CLEC6A: variants seen among roughly 807,000 people sequenced by gnomAD.
CLEC6A encodes C-type lectin domain family 6 member A.
In CLEC6A, 22 loss-of-function variants were observed where a neutral mutation model predicts 25.7. That is an observed-to-expected ratio of 0.85 (90% confidence interval 0.61 to 1.22). CLEC6A has a LOEUF of 1.22. CLEC6A is among the 50% of genes most tolerant of loss of function. The pLI is 0.00. For missense variants in CLEC6A, 240 were observed against 236.8 expected, an observed-to-expected ratio of 1.01 and a Z score of -0.09; for synonymous variants, 92 against 76.7, an observed-to-expected ratio of 1.20 and a Z score of -1.04.
intron 3 of CLEC6A, among the ~76,000 whole-genome samples, chr12:8,462,077 T>C (rs942571597): frequency 2.0e-5 from 3 of 152,178 alleles, no homozygotes; most frequent in African/African-American, 7.2e-5. Flanking sequence ...AACCCCGTGC[T>C]CTCTGAAACA....
chr12:8,473,022 G>T (rs1366977373), intron 4 of CLEC6A, among the ~76,000 whole-genome samples: 3 of 296 alleles, frequency 0.01, no homozygotes, highest in Non-Finnish European at 0.014. Flanking sequence ...TTGAGACGGA[G>T]TTTCGCTCTG....
chr12:8,460,901 C>A, intron 3 of CLEC6A: 1 of 864,034 alleles, frequency 1.2e-6, no homozygotes, highest in African/African-American at 1.6e-5. Context: ...CCAAAGTTTG[C>A]TCCAAACCTT....
intron 1 of CLEC6A, among the ~76,000 whole-genome samples, chr12:8,456,621 ATT>A (rs34877979): frequency 0.027 from 3,730 of 139,090 alleles, 59 homozygotes; most frequent in African/African-American, 0.048. Context: ...TTTTAAAAAA[ATT>A]TTTATTAAAA....
intron 4 of CLEC6A, among the ~76,000 whole-genome samples, chr12:8,473,637 T>C (rs1422895155): frequency 6.6e-6 from 1 of 152,194 alleles, no homozygotes; most frequent in Non-Finnish European, 1.5e-5. Context: ...TTTATGTTTT[T>C]TGAGAAATCT....
chr12:8,463,796 G>T (rs4242890), intron 3 of CLEC6A, among the ~76,000 whole-genome samples: 117,094 of 151,864 alleles, frequency 0.77, 45,565 homozygotes, highest in East Asian at 0.99. Context: ...GCAAAGTAAC[G>T]TGATCAGCTC....
intron 3 of CLEC6A, among the ~76,000 whole-genome samples, chr12:8,465,256 T>TG (rs1939814530): frequency 1.3e-5 from 2 of 151,396 alleles, no homozygotes; most frequent in East Asian, 1.9e-4. Flanking sequence ...TTTTTTTTTT[T>TG]GCAAAAAAGA....
Position 8,477,579 on chromosome 12 carries a change from C to A in CLEC6A, c.*115C>A. On this transcript the variant is annotated 3_prime_UTR_variant, in exon 6 of 6. Coordinates refer to ENST00000382073, the MANE Select transcript of CLEC6A (RefSeq NM_001007033.2). ...TTTCTTCCTGAATTTACACATAATC[C>A]TTATGTTATAGAGGTTCACAGAAAT... The A allele has an allele frequency of 7.8e-6, 6 of 766,258 alleles. No homozygotes were observed. Among genetic ancestry groups the A allele is most frequent in the African/African-American group, 1.8e-5 (1 of 55,874 alleles). 47.5% of individuals were successfully genotyped at this position (766,258 alleles called of 1,614,324 possible). A position where few individuals can be genotyped will look rare whatever the true frequency, so the allele number is the denominator to read the frequency against.
intron 3 of CLEC6A, 44 bp from the exon 4 acceptor site, chr12:8,465,440 C>A: frequency 6.2e-7 from 1 of 1,600,114 alleles, no homozygotes; most frequent in African/African-American, 1.3e-5. Flanking sequence ...TCTCATTTAT[C>A]TTATCTTGCA....
chr12:8,460,849 G>A lies in CLEC6A; in HGVS notation c.223+1151G>A, dbSNP rs75561605. The A allele has an allele frequency of 7.4e-3, 6,865 of 933,132 alleles. 309 individuals are homozygous for A. The African/African-American group carries it at 0.096, about 13-fold the overall frequency. 57.8% of individuals were successfully genotyped at this position (933,132 alleles called of 1,614,324 possible). A position where few individuals can be genotyped will look rare whatever the true frequency, so the allele number is the denominator to read the frequency against. On this transcript the variant is annotated intron_variant, in intron 3 of 5. Coordinates refer to ENST00000382073, the MANE Select transcript of CLEC6A (RefSeq NM_001007033.2). Reference sequence around the variant, plus strand: ...TGGCCAAAAACGCCCAGTTCCTAAGGGTACAACTTACCGCAAGCCTGTCTA... The same window carrying A: ...TGGCCAAAAACGCCCAGTTCCTAAGAGTACAACTTACCGCAAGCCTGTCTA...
rs773937289 is a variant in CLEC6A, at chr12:8,455,982, C to T, written c.-130C>T. On this transcript the variant is annotated 5_prime_UTR_variant, in exon 1 of 6. Coordinates refer to ENST00000382073, the MANE Select transcript of CLEC6A (RefSeq NM_001007033.2). ...CACTTAATGTTGGAAGTCTCTTAGT[C>T]CTATAAGAGTGTGTAGCAGTTTGTC... 31 of 695,214 alleles carry T rather than the reference C, an allele frequency of 4.5e-5. No homozygotes were observed. Among genetic ancestry groups the T allele is most frequent in the Non-Finnish European group, 7.4e-5 (30 of 403,714 alleles). 43.1% of individuals were successfully genotyped at this position (695,214 alleles called of 1,614,324 possible).
Position 8,456,074 on chromosome 12 carries a change from A to G in CLEC6A, c.-38A>G, listed in dbSNP as rs760765331. On this transcript the variant is annotated 5_prime_UTR_variant, in exon 1 of 6. Transcript: ENST00000382073. ...AACATCTTTAGGGAGAGAGGTACAA[A>G]AGGTTCCTGGACCTTCTCAACACAG... The G allele has an allele frequency of 9.9e-6, 16 of 1,611,314 alleles. No individual in the cohort carries two copies. In the African/African-American group the frequency reaches 1.3e-4, roughly 13 times the overall value.
At chr12:8,468,734 G>A (rs1246812706) in intron 4 of CLEC6A, among the ~76,000 whole-genome samples, 3 of 152,150 alleles carry the variant, frequency 2.0e-5, no homozygotes, top group Non-Finnish European at 4.4e-5. Context: ...ACAAAATCCA[G>A]CATATCTTTA....
At chr12:8,461,335 T>C (rs1228409308) in intron 3 of CLEC6A, 2 of 491,308 alleles carry the variant, frequency 4.1e-6, no homozygotes, top group Non-Finnish European at 3.7e-6. Flanking sequence ...AAGTGCATAG[T>C]TTTCTTCTCA....
At chr12:8,460,450 C>G (rs1591705887) in intron 3 of CLEC6A, among the ~76,000 whole-genome samples, 1 of 152,270 alleles carries the variant, frequency 6.6e-6, no homozygotes, top group South Asian at 2.1e-4. Flanking sequence ...GAAACCACCC[C>G]CAAGATTCAA....
chr12:8,470,499 C>T (rs4462413), intron 4 of CLEC6A, among the ~76,000 whole-genome samples: 117,433 of 151,916 alleles, frequency 0.77, 45,840 homozygotes, highest in East Asian at 0.99. Flanking sequence ...TATAGCAGCA[C>T]AATTCACAAT....
intron 4 of CLEC6A, among the ~76,000 whole-genome samples, chr12:8,467,261 T>C (rs1401199974): frequency 6.6e-6 from 1 of 152,240 alleles, no homozygotes; most frequent in Non-Finnish European, 1.5e-5. Context: ...ATCCAATACA[T>C]TGCTAATTTC....
At chr12:8,466,220 T>C (rs1331576708) in intron 4 of CLEC6A, among the ~76,000 whole-genome samples, 2 of 152,220 alleles carry the variant, frequency 1.3e-5, no homozygotes, top group East Asian at 3.8e-4. Flanking sequence ...CTCATATATT[T>C]AGCCTTCTTT....
At position 8,472,147 on chromosome 12, in the gene CLEC6A, C is replaced by A. The variant is rs75353866; in HGVS notation, c.370-3978C>A. Among the ~76,000 whole-genome samples, 1,195 of 152,174 alleles carry A rather than the reference C, an allele frequency of 7.9e-3. 23 individuals are homozygous for A. The highest frequency in any genetic ancestry group is 0.027 in the African/African-American group (1,132 of 41,534). On this transcript the variant is annotated intron_variant, in intron 4 of 5. Coordinates refer to ENST00000382073, the MANE Select transcript of CLEC6A (RefSeq NM_001007033.2). ...TCACCAATCAGCCTGGGTATAGATT[C>A]CAGGAGTCTCTCAAACTTTTTCTGG... is the stretch of plus-strand genomic sequence containing the variant.
intron 3 of CLEC6A, chr12:8,460,607 C>CG (rs753560601): frequency 8.0e-7 from 1 of 1,244,822 alleles, no homozygotes; most frequent in Non-Finnish European, 1.2e-6. Flanking sequence ...GAAGCCATCA[C>CG]ATAAGTCAAG....
Sources: gnomAD v4.1 joint callset for allele counts (sites outside exome capture counted in the v4.1 genomes callset) on GRCh38, gnomAD v4.1.1 for gene constraint, MANE v1.5 for transcripts, NCBI Gene and HGNC (gene_info 2026-07-23, HGNC 2026-07-21) for gene names.